IL1RAPL1: variants seen among roughly 807,000 people sequenced by gnomAD.
The protein encoded by IL1RAPL1 is interleukin 1 receptor accessory protein like 1.
A neutral mutation model predicts 48.4 loss-of-function variants in IL1RAPL1; 3 were observed. That is an observed-to-expected ratio of 0.06 (90% CI 0.03 to 0.16). IL1RAPL1 has a LOEUF of 0.16. Among genes scored for constraint, IL1RAPL1 ranks in the 10% least tolerant of loss-of-function variants. The probability of loss-of-function intolerance (pLI) is 1.00; values close to 1 mark genes in which losing one functional copy is unlikely to be tolerated. For synonymous variants in IL1RAPL1, 185 were observed against 187.7 expected, an observed-to-expected ratio of 0.99 and a Z score of 0.12; for missense variants, 349 against 530.6, an observed-to-expected ratio of 0.66 and a Z score of 3.36.
intron 2 of IL1RAPL1, among the ~76,000 whole-genome samples, chrX:29,090,683 G>T (rs1434971880): frequency 8.9e-6 from 1 of 111,935 alleles, no homozygotes; most frequent in Non-Finnish European, 1.9e-5. Flanking sequence ...AAATCAGGCT[G>T]TGGAAAGCCA....
At chrX:29,512,834 T>C (rs1226304096) in intron 5 of IL1RAPL1, among the ~76,000 whole-genome samples, 1 of 111,940 alleles carries the variant, frequency 8.9e-6, no homozygotes, top group East Asian at 2.8e-4. Flanking sequence ...TTGTAAACTG[T>C]AGTAAAGCCA....
chrX:28,906,942 A>G (rs1923233254), intron 2 of IL1RAPL1, among the ~76,000 whole-genome samples: 1 of 112,206 alleles, frequency 8.9e-6, no homozygotes, highest in South Asian at 3.7e-4. Context: ...AAGTTTAGAG[A>G]GTGAAATGCA....
intron 5 of IL1RAPL1, among the ~76,000 whole-genome samples, chrX:29,588,590 G>C (rs1017890584): frequency 6.2e-5 from 7 of 112,041 alleles, no homozygotes; most frequent in Admixed American, 3.8e-4. Flanking sequence ...CTTCTCAGTA[G>C]AGAACACATT....
chrX:29,250,655 A>G (rs933119068), intron 2 of IL1RAPL1, among the ~76,000 whole-genome samples: 2 of 111,671 alleles, frequency 1.8e-5, no homozygotes, highest in South Asian at 3.7e-4. Flanking sequence ...TAAAAATAAG[A>G]ATCTTTCTGC....
chrX:28,725,258 G>GT (rs981321045), intron 1 of IL1RAPL1, among the ~76,000 whole-genome samples: 6 of 110,883 alleles, frequency 5.4e-5, no homozygotes, highest in South Asian at 3.8e-4. Context: ...CCCTTGGTGT[G>GT]TTTTTTAAAA....
intron 1 of IL1RAPL1, among the ~76,000 whole-genome samples, chrX:28,747,635 C>T (rs777522265): frequency 3.6e-5 from 4 of 111,869 alleles, no homozygotes; most frequent in African/African-American, 6.5e-5. Context: ...AGTGAGACTC[C>T]GTCTCGAAAC....
At chrX:29,145,129 C>T in intron 2 of IL1RAPL1, among the ~76,000 whole-genome samples, 1 of 111,510 alleles carries the variant, frequency 9.0e-6, no homozygotes, top group Non-Finnish European at 1.9e-5. Context: ...AAACCTGAGC[C>T]GGATAATTGT....
intron 2 of IL1RAPL1, among the ~76,000 whole-genome samples, chrX:29,084,898 G>A (rs1014717812): frequency 5.4e-5 from 6 of 111,831 alleles, no homozygotes; most frequent in African/African-American, 1.9e-4. Flanking sequence ...TCGCCATGTT[G>A]GGCAGGCTGG....
chrX:28,924,807 C>A (rs1186478240), intron 2 of IL1RAPL1, among the ~76,000 whole-genome samples: 1 of 112,144 alleles, frequency 8.9e-6, no homozygotes, highest in Non-Finnish European at 1.9e-5. Flanking sequence ...AAGTAAACTT[C>A]ATTTATACTA....
chrX:28,853,698 T>C (rs752499006), intron 2 of IL1RAPL1, among the ~76,000 whole-genome samples: 11 of 111,540 alleles, frequency 9.9e-5, no homozygotes, highest in Non-Finnish European at 1.5e-4. Context: ...AAAACAAATA[T>C]GATTTATTTA....
At chrX:28,830,746 T>A (rs1921022740) in intron 2 of IL1RAPL1, among the ~76,000 whole-genome samples, 1 of 110,696 alleles carries the variant, frequency 9.0e-6, no homozygotes, top group Non-Finnish European at 1.9e-5. Flanking sequence ...TTGTTCAACA[T>A]GGGACACTTT....
chrX:29,867,879 C>T lies in IL1RAPL1; in HGVS notation c.779-49585C>T, dbSNP rs183823501. ...TACAATTCTAAGTCATCATTAAGGC[C>T]AATTCAGAACGTGGAGATTTTATAA... On this transcript the variant is annotated intron_variant, in intron 6 of 10. Transcript: ENST00000378993. Among the ~76,000 whole-genome samples the T allele has an allele frequency of 2.9e-3, 328 of 111,890 alleles. 3 individuals carry two copies. Among genetic ancestry groups the T allele is most frequent in the African/African-American group, 0.01 (319 of 30,827 alleles).
intron 5 of IL1RAPL1, among the ~76,000 whole-genome samples, chrX:29,435,865 A>G (rs1306804839): frequency 9.0e-6 from 1 of 110,693 alleles, no homozygotes; most frequent in Non-Finnish European, 1.9e-5. Flanking sequence ...ATACATTTCT[A>G]TGTTAATGGA....
At chrX:28,615,209 T>TTG (rs1555910610) in intron 1 of IL1RAPL1, among the ~76,000 whole-genome samples, 34 of 53,514 alleles carry the variant, frequency 6.4e-4, no homozygotes, top group Non-Finnish European at 1.3e-3. Flanking sequence ...GTTTTTTTTT[T>TTG]TTTTTTTTTT....
chrX:29,310,149 C>G (rs867673251), intron 3 of IL1RAPL1, among the ~76,000 whole-genome samples: 1 of 48,089 alleles, frequency 2.1e-5, no homozygotes, highest in Non-Finnish European at 3.7e-5. Context: ...AAAAAAAAAA[C>G]AAAAAAAGGG....
intron 1 of IL1RAPL1, among the ~76,000 whole-genome samples, chrX:28,676,570 TA>T (rs1890800157): frequency 9.0e-6 from 1 of 110,569 alleles, no homozygotes; most frequent in African/African-American, 3.3e-5. Context: ...CCGTCTCTAC[TA>T]AAAATACAAA....
At chrX:29,088,672 C>CAAAAAA (rs1182451817) in intron 2 of IL1RAPL1, among the ~76,000 whole-genome samples, 50 of 32,759 alleles carry the variant, frequency 1.5e-3, no homozygotes, top group African/African-American at 2.6e-3. Flanking sequence ...CACTCCTTCT[C>CAAAAAA]AAAAAAAAAA....
At chrX:29,443,097 C>G (rs1439163142) in intron 5 of IL1RAPL1, among the ~76,000 whole-genome samples, 1 of 110,714 alleles carries the variant, frequency 9.0e-6, no homozygotes, top group Non-Finnish European at 1.9e-5. Context: ...TCTTTGCAAC[C>G]TAAAGACTAA....
intron 5 of IL1RAPL1, among the ~76,000 whole-genome samples, chrX:29,609,300 T>C (rs1009750505): frequency 8.9e-6 from 1 of 112,461 alleles, no homozygotes; most frequent in Non-Finnish European, 1.9e-5. Flanking sequence ...AGATTCCCCA[T>C]TGCTTATGTA....
Sources: allele counts gnomAD v4.1 joint callset (sites outside exome capture counted in the v4.1 genomes callset), GRCh38; gene constraint gnomAD v4.1.1; transcripts MANE v1.5; gene names NCBI Gene and HGNC (gene_info 2026-07-23, HGNC 2026-07-21).